ATG10: variants seen among roughly 807,000 people sequenced by gnomAD.
ATG10 encodes autophagy related 10, also known as ubiquitin-like-conjugating enzyme ATG10.
In ATG10, 30 loss-of-function variants were observed where a neutral mutation model predicts 32.1. The ratio of observed to expected loss-of-function variants is 0.94; its 90% CI spans 0.70 to 1.27. The LOEUF is 1.27. ATG10 is among the 50% of genes most tolerant of loss of function. The pLI is 0.00. For synonymous variants in ATG10, 87 were observed against 91.5 expected (o/e 0.95, Z 0.28); for missense variants, 233 against 262.3 (o/e 0.89, Z 0.77).
intron 2 of ATG10, among the ~76,000 whole-genome samples, chr5:81,995,350 C>T (rs537253607): frequency 6.6e-6 from 1 of 152,154 alleles, no homozygotes; most frequent in South Asian, 2.1e-4. Flanking sequence ...GCCATGTTGG[C>T]CAGGCTGGTC....
intron 5 of ATG10, among the ~76,000 whole-genome samples, chr5:82,180,190 T>C (rs1744178240): frequency 6.6e-6 from 1 of 152,208 alleles, no homozygotes; most frequent in African/African-American, 2.4e-5. Context: ...GGTTCCAACC[T>C]GCTCTTCTAG....
At chr5:82,223,043 T>C (rs1745990387) in intron 5 of ATG10, among the ~76,000 whole-genome samples, 1 of 152,196 alleles carries the variant, frequency 6.6e-6, no homozygotes, top group Non-Finnish European at 1.5e-5. Flanking sequence ...ATAAGCAACA[T>C]TTGTTTACTC....
intron 4 of ATG10, among the ~76,000 whole-genome samples, chr5:82,175,944 T>C (rs1364157918): frequency 6.6e-6 from 1 of 151,738 alleles, no homozygotes; most frequent in Non-Finnish European, 1.5e-5. Flanking sequence ...AAAACAAGGA[T>C]GATTGTTTTG....
chr5:82,239,445 T>G (rs1006138889), intron 5 of ATG10, among the ~76,000 whole-genome samples: 5 of 152,050 alleles, frequency 3.3e-5, no homozygotes, highest in African/African-American at 4.8e-5. Flanking sequence ...GAGGAAGACT[T>G]TTATAAACAG....
intron 2 of ATG10, among the ~76,000 whole-genome samples, chr5:82,005,353 G>A (rs1419390779): frequency 2.0e-5 from 3 of 152,164 alleles, no homozygotes; most frequent in Non-Finnish European, 2.9e-5. Flanking sequence ...GGAGTGCAGT[G>A]GCACTGTGTC....
At chr5:82,071,059 C>A (rs1199678488) in intron 3 of ATG10, among the ~76,000 whole-genome samples, 1 of 152,074 alleles carries the variant, frequency 6.6e-6, no homozygotes, top group Non-Finnish European at 1.5e-5. Context: ...TCCCCCCTTT[C>A]TAATAGGTCA....
At chr5:82,061,350 G>GTTTTT (rs11383096) in intron 3 of ATG10, among the ~76,000 whole-genome samples, 1 of 149,748 alleles carries the variant, frequency 6.7e-6, no homozygotes, top group Non-Finnish European at 1.5e-5. Flanking sequence ...TTCTTAGAAT[G>GTTTTT]TTTTTTTTTT....
At chr5:82,059,908 G>A (rs1763714521) in intron 3 of ATG10, among the ~76,000 whole-genome samples, 1 of 152,030 alleles carries the variant, frequency 6.6e-6, no homozygotes, top group South Asian at 2.1e-4. Context: ...TTGAAGCCAA[G>A]CATATTAGGA....
intron 5 of ATG10, among the ~76,000 whole-genome samples, chr5:82,221,387 T>G (rs1248962077): frequency 6.6e-6 from 1 of 152,224 alleles, no homozygotes; most frequent in Non-Finnish European, 1.5e-5. Context: ...TTAGGACTAA[T>G]AAATGTTCAA....
chr5:82,014,534 T>G (rs1762224384), intron 2 of ATG10, among the ~76,000 whole-genome samples: 1 of 152,236 alleles, frequency 6.6e-6, no homozygotes, highest in African/African-American at 2.4e-5. Context: ...GCCTATATAT[T>G]TAGGATAGAT....
chr5:82,051,604 A>G (rs1252459269), intron 2 of ATG10, among the ~76,000 whole-genome samples: 5 of 152,140 alleles, frequency 3.3e-5, no homozygotes, highest in Non-Finnish European at 7.4e-5. Flanking sequence ...TTACCTTTGT[A>G]TATAACATAA....
At chr5:82,057,899 A>C (rs1425116760) in intron 2 of ATG10, among the ~76,000 whole-genome samples, 1 of 152,182 alleles carries the variant, frequency 6.6e-6, no homozygotes, top group African/African-American at 2.4e-5. Context: ...TTCAGAGGGC[A>C]GAACTAAGTA....
chr5:82,071,855 A>C (rs1241315533), intron 3 of ATG10, among the ~76,000 whole-genome samples: 2 of 152,162 alleles, frequency 1.3e-5, no homozygotes, highest in Non-Finnish European at 2.9e-5. Flanking sequence ...TAGGTTCCTG[A>C]ATCTGGGATT....
intron 3 of ATG10, among the ~76,000 whole-genome samples, chr5:82,067,935 A>G (rs1763994407): frequency 6.6e-6 from 1 of 152,180 alleles, no homozygotes; most frequent in Admixed American, 6.6e-5. Flanking sequence ...GCAGCTGTAT[A>G]CTTAAGAGGA....
intron 3 of ATG10, among the ~76,000 whole-genome samples, chr5:82,164,091 A>G (rs1411839519): frequency 6.6e-6 from 1 of 152,188 alleles, no homozygotes; most frequent in Non-Finnish European, 1.5e-5. Flanking sequence ...TCTTGTTGCT[A>G]AAATTGTACA....
At chr5:82,031,197 T>C (rs1762733308) in intron 2 of ATG10, among the ~76,000 whole-genome samples, 1 of 152,140 alleles carries the variant, frequency 6.6e-6, no homozygotes, top group Non-Finnish European at 1.5e-5. Flanking sequence ...ACTCCAGAAA[T>C]CATATCAAAT....
chr5:82,044,356 C>G (rs1454415405), intron 2 of ATG10, among the ~76,000 whole-genome samples: 2 of 152,182 alleles, frequency 1.3e-5, no homozygotes, highest in African/African-American at 2.4e-5. Flanking sequence ...GGCCCCTCCT[C>G]TAATTCAACA....
chr5:82,096,981 A>G (rs767899694), intron 3 of ATG10, among the ~76,000 whole-genome samples: 10 of 152,312 alleles, frequency 6.6e-5, no homozygotes, highest in Non-Finnish European at 1.5e-4. Flanking sequence ...GTTAAGGTCA[A>G]TTAGCTCCAT....
intron 2 of ATG10, among the ~76,000 whole-genome samples, chr5:82,034,077 G>GTA (rs1396622768): frequency 1.2e-4 from 18 of 149,842 alleles, no homozygotes; most frequent in African/African-American, 2.2e-4. Context: ...TATTGTATGT[G>GTA]TATATATATA....
Sources: allele counts gnomAD v4.1 joint callset (sites outside exome capture counted in the v4.1 genomes callset), GRCh38; gene constraint gnomAD v4.1.1; transcripts MANE v1.5; gene names NCBI Gene and HGNC (gene_info 2026-07-23, HGNC 2026-07-21).